Variants in RIC8B observed in about 807,000 individuals in gnomAD.
RIC8B encodes chaperone Ric-8B.
RIC8B carries 16 observed loss-of-function variants against 57.5 expected under a neutral mutation model. The observed-to-expected ratio is 0.28, with a 90% CI of 0.19 to 0.42. RIC8B has a LOEUF of 0.42. RIC8B is among the 10% of genes least tolerant of loss of function. The pLI is 1.00. For synonymous variants in RIC8B, 216 were observed against 250.8 expected (o/e 0.86, Z 1.31); for missense variants, 481 against 677.0 (o/e 0.71, Z 3.21).
At chr12:106,850,921 T>C (rs1949442635) in intron 6 of RIC8B, among the ~76,000 whole-genome samples, 1 of 152,148 alleles carries the variant, frequency 6.6e-6, no homozygotes. Context: ...GGATTAAGGA[T>C]GCTTAATCCA....
chr12:106,778,513 G>C (rs1356032045), intron 1 of RIC8B, among the ~76,000 whole-genome samples: 1 of 152,120 alleles, frequency 6.6e-6, no homozygotes, highest in Non-Finnish European at 1.5e-5. Context: ...TTGAGTGCCT[G>C]CTATGTACTA....
Position 106,886,877 on chromosome 12 carries a change from G to A in RIC8B, c.*862G>A, listed in dbSNP as rs955295432. The A allele has an allele frequency of 2.0e-5, 3 of 152,444 alleles. No individual in the cohort carries two copies. Among genetic ancestry groups the A allele is most frequent in the Admixed American group, 1.3e-4 (2 of 15,244 alleles). 9.4% of individuals were successfully genotyped at this position (152,444 alleles called of 1,614,324 possible). Reference sequence around the variant, plus strand: ...TTCATGGCCTCTGCTTGGGGTGGGGGAGTCAGCAGCACCCATTTGTACATA... The same window carrying A: ...TTCATGGCCTCTGCTTGGGGTGGGGAAGTCAGCAGCACCCATTTGTACATA... On this transcript the variant is annotated 3_prime_UTR_variant, in exon 10 of 10. Transcript: ENST00000392837.
chr12:106,843,031 T>C (rs1485327841), intron 5 of RIC8B, among the ~76,000 whole-genome samples: 1 of 152,208 alleles, frequency 6.6e-6, no homozygotes, highest in Non-Finnish European at 1.5e-5. Context: ...TGCTGAAAAT[T>C]ATGTTCATGC....
At chr12:106,869,368 C>A (rs1185675663) in intron 8 of RIC8B, among the ~76,000 whole-genome samples, 1 of 152,090 alleles carries the variant, frequency 6.6e-6, no homozygotes, top group Non-Finnish European at 1.5e-5. Context: ...ACTTGCCCAA[C>A]CGAAAGTCTC....
At chr12:106,833,072 C>T (rs1465485628) in intron 4 of RIC8B, among the ~76,000 whole-genome samples, 1 of 152,088 alleles carries the variant, frequency 6.6e-6, no homozygotes, top group East Asian at 1.9e-4. Flanking sequence ...CTTCCATTCA[C>T]AGCTAAGTTT....
chr12:106,774,900 C>A, intron 1 of RIC8B, 71 bp downstream of exon 1: 1 of 1,118,832 alleles, frequency 8.9e-7, no homozygotes, highest in Non-Finnish European at 1.3e-6. Context: ...ACATCGCATC[C>A]TTCCCCACCC....
rs560348924 is a variant in RIC8B at position 106,847,311 on chromosome 12, T to C, written c.1161+3364T>C. 6.4e-4 allele frequency among the ~76,000 whole-genome samples: 98 copies of C among 152,314 alleles called. 1 individual carries two copies. Among genetic ancestry groups the C allele is most frequent in the South Asian group, 4.1e-4 (2 of 4,828 alleles). On this transcript the variant is annotated intron_variant, in intron 6 of 9. Transcript: ENST00000392837. ...TAACAACAAAATTTTGTTAAAAATT[T>C]GTTTTAAGGAACCAAAAATGTAGCT... is the stretch of plus-strand genomic sequence containing the variant.
chr12:106,833,187 TTA>T (rs761595531), intron 4 of RIC8B, among the ~76,000 whole-genome samples: 1 of 152,026 alleles, frequency 6.6e-6, no homozygotes, highest in African/African-American at 2.4e-5. Context: ...TACATATACC[TTA>T]TATATATATG....
chr12:106,852,614 ATAT>A (rs1486258392), intron 7 of RIC8B, among the ~76,000 whole-genome samples: 3 of 152,198 alleles, frequency 2.0e-5, no homozygotes, highest in Admixed American at 6.5e-5. Flanking sequence ...TCTAAGGTAA[ATAT>A]TATATTTTGA....
chr12:106,868,766 G>GACACACACACACACACACACAC (rs56293147), intron 8 of RIC8B, among the ~76,000 whole-genome samples: 69 of 123,022 alleles, frequency 5.6e-4, no homozygotes, highest in African/African-American at 2.1e-3. Context: ...AGGCACTCTA[G>GACACACACACACACACACACAC]ACACACACAC....
At chr12:106,793,229 A>C (rs898647669) in intron 2 of RIC8B, among the ~76,000 whole-genome samples, 1 of 152,198 alleles carries the variant, frequency 6.6e-6, no homozygotes, top group Non-Finnish European at 1.5e-5. Context: ...TTGAGCTGTC[A>C]GCCCTAAAGT....
chr12:106,821,460 A>T (rs1319390377), intron 3 of RIC8B, among the ~76,000 whole-genome samples: 1 of 152,204 alleles, frequency 6.6e-6, no homozygotes, highest in Admixed American at 6.5e-5. Flanking sequence ...CCCATCTTAT[A>T]CCATACACAA....
chr12:106,860,108 G>T (rs1001041263), intron 7 of RIC8B, among the ~76,000 whole-genome samples, 160 bp from the exon 8 acceptor site: 3 of 152,134 alleles, frequency 2.0e-5, no homozygotes, highest in African/African-American at 7.2e-5. Flanking sequence ...GGGAAAATTT[G>T]TAAGTAGTTC....
intron 1 of RIC8B, among the ~76,000 whole-genome samples, chr12:106,776,053 T>G (rs1330064137): frequency 6.6e-6 from 1 of 152,202 alleles, no homozygotes. Flanking sequence ...AGAGTGATGG[T>G]ATTCCCCAAT....
intron 7 of RIC8B, among the ~76,000 whole-genome samples, chr12:106,854,322 A>G (rs1404649551): frequency 6.6e-6 from 1 of 152,110 alleles, no homozygotes; most frequent in Non-Finnish European, 1.5e-5. Flanking sequence ...TTAAAATAAA[A>G]TAAAATAAAA....
rs376749541 is a variant in RIC8B, at chr12:106,887,291, C to A, written c.*1276C>A. ...AACATTGGGGTTGATTCAATTTGGC[C>A]ATCTGTGTGTGTTTCTTTATAGATA... On this transcript the variant is annotated 3_prime_UTR_variant, in exon 10 of 10. Coordinates refer to ENST00000392837, the MANE Select transcript of RIC8B (RefSeq NM_001330145.2). 5.2e-5 allele frequency: 8 copies of A among 152,552 alleles called. No individual in the cohort carries two copies. The East Asian group carries it at 9.7e-4, about 18-fold the overall frequency. 9.4% of individuals were successfully genotyped at this position (152,552 alleles called of 1,614,324 possible). A position where few individuals can be genotyped will look rare whatever the true frequency, so the allele number is the denominator to read the frequency against.
chr12:106,828,754 C>A (rs1316838128), intron 4 of RIC8B, among the ~76,000 whole-genome samples: 1 of 152,196 alleles, frequency 6.6e-6, no homozygotes, highest in Non-Finnish European at 1.5e-5. Context: ...GATAAACATA[C>A]TGGATTTTAG....
intron 4 of RIC8B, among the ~76,000 whole-genome samples, chr12:106,841,979 T>C (rs751779329): frequency 1.7e-4 from 26 of 152,158 alleles, no homozygotes; most frequent in Non-Finnish European, 2.8e-4. Context: ...AGATTAGAAA[T>C]AGCTATATTA....
intron 9 of RIC8B, among the ~76,000 whole-genome samples, chr12:106,875,621 C>CAA (rs1197728893): frequency 3.3e-5 from 5 of 152,116 alleles, no homozygotes; most frequent in Non-Finnish European, 5.9e-5. Flanking sequence ...GCTAATTAAT[C>CAA]CTCTACTCAC....
Sources: allele counts gnomAD v4.1 joint callset (sites outside exome capture counted in the v4.1 genomes callset), GRCh38; gene constraint gnomAD v4.1.1; transcripts MANE v1.5; gene names NCBI Gene and HGNC (gene_info 2026-07-23, HGNC 2026-07-21).